Variants in BMP2K observed in about 807,000 individuals in gnomAD.
The protein encoded by BMP2K is BMP-2-inducible protein kinase.
Under a neutral mutation model 116.0 loss-of-function variants are expected in BMP2K, and 74 were observed. That is an observed-to-expected ratio of 0.64 (90% CI 0.53 to 0.77). BMP2K has a LOEUF of 0.77. Ranked by LOEUF, BMP2K falls within the 30% of genes least tolerant of loss-of-function variation. BMP2K has a pLI of 0.00. For synonymous variants in BMP2K, 486 were observed against 502.5 expected (o/e 0.97, Z 0.44); for missense variants, 1,365 against 1,403.6 (o/e 0.97, Z 0.44).
chr4:78,798,202 T>A (rs984389739), intron 1 of BMP2K, among the ~76,000 whole-genome samples: 1 of 152,184 alleles, frequency 6.6e-6, no homozygotes, highest in African/African-American at 2.4e-5. Flanking sequence ...TTTGGTATGT[T>A]TTTAATGAAC....
chr4:78,911,910 T>A lies in BMP2K; in HGVS notation c.3363T>A (p.Asp1121Glu), dbSNP rs1197959455. The A allele has an allele frequency of 6.2e-7, 1 of 1,613,860 alleles. No homozygotes were observed. Among genetic ancestry groups the A allele is most frequent in the Non-Finnish European group, 8.5e-7 (1 of 1,179,890 alleles). ...SFHSADVLKM[D>E]DFGAVPFTEL... is the part of the protein sequence containing the mutation. Reference sequence around the variant, plus strand: ...ATAGTGCAGATGTATTGAAAATGGATGATTTTGGTGCCGTGCCCTTTACAG... The same window carrying A: ...ATAGTGCAGATGTATTGAAAATGGAAGATTTTGGTGCCGTGCCCTTTACAG... Residue 1121 changes from aspartate to glutamate, a missense_variant, in exon 16 of 16, where the codon GAT becomes GAA. Asp to Glu is a conservative substitution (Grantham distance 45). This residue lies in a region of BMP2K where 596 missense variants were observed against 623.2 expected (regional missense o/e 0.96). Coordinates refer to ENST00000502613, the MANE Select transcript of BMP2K (RefSeq NM_198892.2).
chr4:78,866,991 T>C (rs973667452), intron 10 of BMP2K, among the ~76,000 whole-genome samples: 1 of 151,950 alleles, frequency 6.6e-6, no homozygotes, highest in African/African-American at 2.4e-5. Context: ...GCAGGTCGAA[T>C]TGCTTGAGGC....
At position 78,911,325 on chromosome 4, in the gene BMP2K, CA is replaced by C; in HGVS notation, c.2782del (p.Ser928ValfsTer2). On this transcript the variant is annotated frameshift_variant, in exon 16 of 16. Transcript: ENST00000502613. LOFTEE classifies it high-confidence loss of function. Reference protein sequence around the residue: ...PEAHTIPGYPKSVDVFGSTPF... With the variant: ...PEAHTIPGYPXSVDVFGSTPF... Reference sequence around the variant, plus strand: ...AGGCACATACTATCCCTGGTTATCCCAAAAGTGTAGATGTATTTGGCTCCAC... The same window carrying C: ...AGGCACATACTATCCCTGGTTATCCCAAAGTGTAGATGTATTTGGCTCCAC... 6.2e-7 allele frequency: 1 copy of C among 1,613,872 alleles called. No individual in the cohort carries two copies. Among genetic ancestry groups the C allele is most frequent in the Non-Finnish European group, 8.5e-7 (1 of 1,179,848 alleles).
At chr4:78,836,836 C>T (rs1730506888) in intron 3 of BMP2K, among the ~76,000 whole-genome samples, 1 of 152,150 alleles carries the variant, frequency 6.6e-6, no homozygotes, top group Non-Finnish European at 1.5e-5. Context: ...GTGTTGTTGA[C>T]AAATTGATGT....
At chr4:78,893,365 C>A (rs1406857183) in intron 15 of BMP2K, among the ~76,000 whole-genome samples, 2 of 152,190 alleles carry the variant, frequency 1.3e-5, no homozygotes, top group Non-Finnish European at 2.9e-5. Flanking sequence ...ATCTTAAACC[C>A]TTCAAAATCA....
chr4:78,830,441 C>A (rs1286245484), intron 2 of BMP2K, among the ~76,000 whole-genome samples: 3 of 152,176 alleles, frequency 2.0e-5, no homozygotes, highest in Non-Finnish European at 4.4e-5. Context: ...GCATTGGTTT[C>A]AACTTAAAGT....
chr4:78,788,646 G>C (rs1350428969), intron 1 of BMP2K, among the ~76,000 whole-genome samples: 1 of 151,020 alleles, frequency 6.6e-6, no homozygotes, highest in Non-Finnish European at 1.5e-5. Flanking sequence ...GGGTTTTATA[G>C]TTTTTCACCT....
intron 1 of BMP2K, among the ~76,000 whole-genome samples, chr4:78,802,097 C>T (rs769890289): frequency 6.6e-6 from 1 of 152,180 alleles, no homozygotes; most frequent in Admixed American, 6.5e-5. Flanking sequence ...TCGATATAGA[C>T]TTCTCTGCAG....
Position 78,912,733 on chromosome 4 carries a change from GATAA to G in BMP2K, c.*704_*707del, listed in dbSNP as rs754759195. 2 of 151,974 alleles carry G rather than the reference GATAA, an allele frequency of 1.3e-5. No homozygotes were observed. The highest frequency in any genetic ancestry group is 2.4e-5 in the African/African-American group (1 of 41,352). The allele number at this position is 151,974 out of a possible 1,614,324, so 9.4% of individuals were successfully genotyped here. A position where few individuals can be genotyped will look rare whatever the true frequency, so the allele number is the denominator to read the frequency against. On this transcript the variant is annotated 3_prime_UTR_variant, in exon 16 of 16. Transcript: ENST00000502613. ...CATATTCCAAAACAATGTTATACAT[GATAA>G]ATATATATAATTTTTGTCAGTTAAA...
chr4:78,789,244 G>C (rs1160974951), intron 1 of BMP2K, among the ~76,000 whole-genome samples: 2 of 152,204 alleles, frequency 1.3e-5, no homozygotes, highest in African/African-American at 2.4e-5. Flanking sequence ...TGAACCCAAA[G>C]TCACATTATT....
chr4:78,784,527 G>A (rs1468345512), intron 1 of BMP2K, among the ~76,000 whole-genome samples: 1 of 152,222 alleles, frequency 6.6e-6, no homozygotes, highest in African/African-American at 2.4e-5. Flanking sequence ...CTTTACAAAT[G>A]AGGTCAGTCA....
chr4:78,801,374 GTGTGTGTGTC>G (rs1728561830), intron 1 of BMP2K, among the ~76,000 whole-genome samples: 1 of 147,150 alleles, frequency 6.8e-6, no homozygotes, highest in Non-Finnish European at 1.5e-5. Flanking sequence ...GTGTGTGTGT[GTGTGTGTGTC>G]ATAAGTAACA....
intron 1 of BMP2K, among the ~76,000 whole-genome samples, chr4:78,783,953 C>G (rs1727621112): frequency 6.6e-6 from 1 of 152,086 alleles, no homozygotes; most frequent in Admixed American, 6.6e-5. Flanking sequence ...AAGGCTATGT[C>G]TTCGATATTT....
chr4:78,851,060 A>G lies in BMP2K; in HGVS notation c.883+4A>G. 6.2e-7 allele frequency: 1 copy of G among 1,605,342 alleles called. No individual in the cohort carries two copies. Among genetic ancestry groups the G allele is most frequent in the Non-Finnish European group, 8.5e-7 (1 of 1,175,412 alleles). ...CGTAACATACATTGCTTAATAAGTA[A>G]GTATTTGGGAAAATGTATGAAAATA... On this transcript the variant is annotated splice_donor_region_variant and intron_variant, in intron 7 of 15. Coordinates refer to ENST00000502613, the MANE Select transcript of BMP2K (RefSeq NM_198892.2).
intron 1 of BMP2K, among the ~76,000 whole-genome samples, chr4:78,791,058 T>C (rs1165565225): frequency 6.6e-6 from 1 of 152,192 alleles, no homozygotes; most frequent in Non-Finnish European, 1.5e-5. Flanking sequence ...AATATTTTTT[T>C]ATACCTGTTG....
At chr4:78,823,656 A>G (rs1199555718) in intron 1 of BMP2K, among the ~76,000 whole-genome samples, 1 of 150,558 alleles carries the variant, frequency 6.6e-6, no homozygotes, top group Non-Finnish European at 1.5e-5. Context: ...GTATATCTGT[A>G]TAAATATATA....
chr4:78,911,663 C>T lies in BMP2K; in HGVS notation c.3116C>T (p.Ser1039Leu). The T allele has an allele frequency of 6.2e-7, 1 of 1,613,924 alleles. No individual in the cohort carries two copies. Among genetic ancestry groups the T allele is most frequent in the Non-Finnish European group, 8.5e-7 (1 of 1,179,866 alleles). Residue 1039 changes from serine (S) to leucine (L), a missense_variant, in exon 16 of 16, where the codon TCA becomes TTA. Physicochemically the swap from Ser to Leu is moderately radical, Grantham distance 145. Transcript: ENST00000502613. ...SQSSNEFLTI[S>L]DSKENISVAL... is the part of the protein sequence containing the mutation. ...AGTAGCAATGAATTTTTAACCATCTCAGACTCCAAGGAGAACATTAGTGTT... is the reference window on the plus strand; with the variant it reads ...AGTAGCAATGAATTTTTAACCATCTTAGACTCCAAGGAGAACATTAGTGTT...
chr4:78,855,023 T>G lies in BMP2K; in HGVS notation c.883+3967T>G, dbSNP rs149918670. On this transcript the variant is annotated intron_variant, in intron 7 of 15. Coordinates refer to ENST00000502613, the MANE Select transcript of BMP2K (RefSeq NM_198892.2). ...ATCACTGGCTCTGGGTTTCTACTTG[T>G]AGAGAGAGGGCTCTGATCAGTAACT... Among the ~76,000 whole-genome samples the G allele has an allele frequency of 1.2e-4, 18 of 152,256 alleles. No individual in the cohort carries two copies. In the East Asian group the frequency reaches 3.5e-3, roughly 29 times the overall value.
At chr4:78,831,520 C>CA (rs1455582534) in intron 2 of BMP2K, among the ~76,000 whole-genome samples, 1 of 152,062 alleles carries the variant, frequency 6.6e-6, no homozygotes, top group African/African-American at 2.4e-5. Flanking sequence ...TCTCCTTATC[C>CA]AAAAAAATCC....
Sources: allele counts gnomAD v4.1 joint callset (sites outside exome capture counted in the v4.1 genomes callset), GRCh38; gene constraint gnomAD v4.1.1; regional missense constraint gnomAD v4.1.1; transcripts MANE v1.5; gene names NCBI Gene and HGNC (gene_info 2026-07-23, HGNC 2026-07-21).